PLEKHA5: variants seen among roughly 807,000 people sequenced by gnomAD.
PLEKHA5 encodes the protein pleckstrin homology domain containing A5, also known as pleckstrin homology domain-containing family A member 5.
PLEKHA5 carries 55 observed loss-of-function variants against 181.9 expected under a neutral mutation model. That is an observed-to-expected ratio of 0.30 (90% CI 0.24 to 0.38). The LOEUF (loss-of-function observed/expected upper bound fraction) is 0.38, where lower values mean the gene tolerates loss of function less well. Ranked by LOEUF, PLEKHA5 falls within the 10% of genes least tolerant of loss-of-function variation. The pLI is 1.00. For missense variants in PLEKHA5, 1,432 were observed against 1,549.5 expected, an observed-to-expected ratio of 0.92 and a Z score of 1.27; for synonymous variants, 535 against 529.4, an observed-to-expected ratio of 1.01 and a Z score of -0.15.
intron 3 of PLEKHA5, among the ~76,000 whole-genome samples, chr12:19,189,437 G>A (rs1472867556): frequency 6.6e-6 from 1 of 152,180 alleles, no homozygotes; most frequent in Non-Finnish European, 1.5e-5. Flanking sequence ...GGTTAGAAGA[G>A]AGGAATAAAT....
At chr12:19,249,465 C>G (rs2064689328) in intron 3 of PLEKHA5, among the ~76,000 whole-genome samples, 1 of 152,088 alleles carries the variant, frequency 6.6e-6, no homozygotes, top group South Asian at 2.1e-4. Flanking sequence ...TCACACTACT[C>G]AGAACAGCTC....
chr12:19,307,531 C>A, intron 15 of PLEKHA5: 1 of 310,320 alleles, frequency 3.2e-6, no homozygotes, highest in Non-Finnish European at 6.5e-6. Flanking sequence ...CTAATTTCGG[C>A]TGCTATAGAA....
At position 19,283,739 on chromosome 12, in the gene PLEKHA5, C is replaced by T. The variant is rs910156064; in HGVS notation, c.1773C>T (p.His591=). 3.1e-6 allele frequency: 5 copies of T among 1,605,460 alleles called. No individual in the cohort carries two copies. Among genetic ancestry groups the T allele is most frequent in the Non-Finnish European group, 2.6e-6 (3 of 1,172,940 alleles). ...VTIDRRHRAH[H]PKHVYVPDRR... is the part of the protein sequence containing the mutation. ...TAGACCGCAGACACAGGGCCCATCA[C>T]CCTAAGGTAAAATAGCTGCTGATTT... is the stretch of plus-strand genomic sequence containing the variant. Residue 591 remains histidine (H), a synonymous_variant, in exon 12 of 32, where the codon CAC becomes CAT. Coordinates refer to ENST00000429027, the MANE Select transcript of PLEKHA5 (RefSeq NM_001256470.2).
chr12:19,196,006 C>T (rs2052626199), intron 3 of PLEKHA5, among the ~76,000 whole-genome samples: 1 of 152,110 alleles, frequency 6.6e-6, no homozygotes, highest in Non-Finnish European at 1.5e-5. Context: ...GCCTTACCTA[C>T]ACTAATTGAG....
At chr12:19,354,521 C>T (rs1331554620) in intron 26 of PLEKHA5, among the ~76,000 whole-genome samples, 1 of 147,606 alleles carries the variant, frequency 6.8e-6, no homozygotes, top group Non-Finnish European at 1.5e-5. Context: ...CGCTCTCTCG[C>T]CTGGGCTGGA....
chr12:19,300,378 C>T (rs562292708), intron 15 of PLEKHA5, among the ~76,000 whole-genome samples: 1 of 152,244 alleles, frequency 6.6e-6, no homozygotes, highest in East Asian at 1.9e-4. Context: ...CCTACCTATT[C>T]TAAAATGCAT....
At chr12:19,332,559 A>G (rs929758001) in intron 20 of PLEKHA5, among the ~76,000 whole-genome samples, 2 of 152,150 alleles carry the variant, frequency 1.3e-5, no homozygotes, top group Non-Finnish European at 2.9e-5. Flanking sequence ...GTGCAGTCAT[A>G]GCACACCACA....
intron 3 of PLEKHA5, among the ~76,000 whole-genome samples, chr12:19,240,649 T>A (rs1417127163): frequency 6.6e-6 from 1 of 150,692 alleles, no homozygotes; most frequent in East Asian, 1.9e-4. Context: ...TTATTATTTT[T>A]TTTTAAGAGA....
intron 27 of PLEKHA5, among the ~76,000 whole-genome samples, 192 bp downstream of exon 27, chr12:19,358,629 C>G (rs936220917): frequency 3.9e-5 from 6 of 152,060 alleles, no homozygotes; most frequent in African/African-American, 1.4e-4. Context: ...GAGACCAGAG[C>G]TAAACTACAT....
chr12:19,207,124 A>G (rs2055746756), intron 3 of PLEKHA5: 1 of 152,154 alleles, frequency 6.6e-6, no homozygotes, highest in African/African-American at 2.4e-5. Context: ...TCAGAAATAC[A>G]TATTCTATGT....
intron 20 of PLEKHA5, among the ~76,000 whole-genome samples, chr12:19,334,983 GAAAAAAAAAAAA>G (rs35656695): frequency 2.0e-5 from 1 of 49,966 alleles, no homozygotes; most frequent in Non-Finnish European, 3.9e-5. Flanking sequence ...TTTTTTTTAT[GAAAAAAAAAAAA>G]AAAAAAAAGA....
At chr12:19,244,955 A>C (rs773624126) in intron 3 of PLEKHA5, among the ~76,000 whole-genome samples, 6 of 152,142 alleles carry the variant, frequency 3.9e-5, no homozygotes, top group Non-Finnish European at 7.4e-5. Flanking sequence ...TTTGTCACTG[A>C]AGTTGCCCAT....
intron 3 of PLEKHA5, among the ~76,000 whole-genome samples, chr12:19,169,129 C>T (rs1443645770): frequency 6.6e-6 from 1 of 152,072 alleles, no homozygotes; most frequent in East Asian, 1.9e-4. Flanking sequence ...ATGGAAAAAT[C>T]AGCAATTGGC....
chr12:19,211,434 T>A (rs2056878513), intron 3 of PLEKHA5, among the ~76,000 whole-genome samples: 1 of 152,060 alleles, frequency 6.6e-6, no homozygotes, highest in Non-Finnish European at 1.5e-5. Context: ...GAGAGCAGCG[T>A]GACTCCTGAG....
chr12:19,285,250 TG>T (rs1474741984), intron 12 of PLEKHA5, among the ~76,000 whole-genome samples: 3 of 152,220 alleles, frequency 2.0e-5, no homozygotes, highest in Non-Finnish European at 4.4e-5. Flanking sequence ...TACAACTTAA[TG>T]TGTATGGTCT....
chr12:19,132,498 G>GGAGTAATCACAGC, intron 3 of PLEKHA5, 48 bp downstream of exon 3: 5 of 920,450 alleles, frequency 5.4e-6, no homozygotes, highest in Non-Finnish European at 7.1e-6. Flanking sequence ...AGAATGCTGT[G>GGAGTAATCACAGC]ATTACTCCTC....
chr12:19,359,627 G>A (rs2095122646), intron 28 of PLEKHA5, 81 bp downstream of exon 28: 1 of 1,410,828 alleles, frequency 7.1e-7, no homozygotes, highest in Admixed American at 1.8e-5. Flanking sequence ...TGAAAATAAA[G>A]TGTGTTTCTT....
intron 7 of PLEKHA5, among the ~76,000 whole-genome samples, chr12:19,263,722 G>A (rs1225740337): frequency 6.6e-6 from 1 of 152,098 alleles, no homozygotes; most frequent in African/African-American, 2.4e-5. Flanking sequence ...TCTTCCCTAC[G>A]AAGCAAATTT....
chr12:19,129,920 G>A (rs376931506), intron 1 of PLEKHA5, 32 bp downstream of exon 1: 439 of 1,565,200 alleles, frequency 2.8e-4, no homozygotes, highest in Non-Finnish European at 3.5e-4. Context: ...GGGGGCCCGC[G>A]GGGGCGGGAG....
Sources: gnomAD v4.1 joint callset for allele counts (sites outside exome capture counted in the v4.1 genomes callset) on GRCh38, gnomAD v4.1.1 for gene constraint, MANE v1.5 for transcripts, NCBI Gene and HGNC (gene_info 2026-07-23, HGNC 2026-07-21) for gene names.